Variants in HOMER2 observed in about 807,000 individuals in gnomAD.
HOMER2 encodes homer scaffold protein 2, also known as homer protein homolog 2.
In HOMER2, 27 loss-of-function variants were observed where a neutral mutation model predicts 47.0. That is an observed-to-expected ratio of 0.57 (90% CI 0.42 to 0.79). The LOEUF (loss-of-function observed/expected upper bound fraction) is 0.79, where lower values mean the gene tolerates loss of function less well. Among genes scored for constraint, HOMER2 ranks in the 30% least tolerant of loss-of-function variants. The pLI is 0.00. For synonymous variants in HOMER2, 161 were observed against 163.8 expected (o/e 0.98, Z 0.13); for missense variants, 443 against 435.0 (o/e 1.02, Z -0.16).
intron 1 of HOMER2, among the ~76,000 whole-genome samples, chr15:82,900,936 C>T (rs1282179586): frequency 6.6e-6 from 1 of 152,172 alleles, no homozygotes; most frequent in Non-Finnish European, 1.5e-5. Flanking sequence ...ACTAGGAATT[C>T]CCTTTTTGGG....
intron 1 of HOMER2, among the ~76,000 whole-genome samples, chr15:82,912,731 G>A: frequency 6.6e-6 from 1 of 152,116 alleles, no homozygotes; most frequent in Middle Eastern, 3.2e-3. Context: ...TCCAATTTGT[G>A]CACATTCTCA....
At chr15:82,941,154 A>C (rs2054257816) in intron 1 of HOMER2, among the ~76,000 whole-genome samples, 1 of 151,584 alleles carries the variant, frequency 6.6e-6, no homozygotes, top group African/African-American at 2.4e-5. Context: ...CTCTAAAATA[A>C]TTTTCCTGGC....
chr15:82,936,115 C>G (rs768275808), intron 1 of HOMER2, among the ~76,000 whole-genome samples: 1 of 152,214 alleles, frequency 6.6e-6, no homozygotes, highest in Non-Finnish European at 1.5e-5. Context: ...TGACTTCAGT[C>G]TCTCAAACAT....
chr15:82,945,220 TA>T (rs35180005), intron 1 of HOMER2, among the ~76,000 whole-genome samples: 14,297 of 120,284 alleles, frequency 0.12, 1,052 homozygotes, highest in African/African-American at 0.25. Flanking sequence ...TAAAATGTCT[TA>T]AAAAAAAAAA....
chr15:82,895,225 G>A (rs1215803014), intron 1 of HOMER2, among the ~76,000 whole-genome samples: 2 of 152,198 alleles, frequency 1.3e-5, no homozygotes, highest in Non-Finnish European at 2.9e-5. Context: ...TGGGGCTGTG[G>A]ATTACTAGGG....
At chr15:82,929,922 G>C (rs1239806287) in intron 1 of HOMER2, among the ~76,000 whole-genome samples, 2 of 151,842 alleles carry the variant, frequency 1.3e-5, no homozygotes, top group Non-Finnish European at 2.9e-5. Context: ...TAGAGATGGG[G>C]CTTCTCCATG....
At chr15:82,943,634 T>C (rs978553009) in intron 1 of HOMER2, among the ~76,000 whole-genome samples, 5 of 152,266 alleles carry the variant, frequency 3.3e-5, no homozygotes, top group African/African-American at 1.2e-4. Context: ...AAGGATCCAT[T>C]GCCCAGGCAG....
At chr15:82,869,303 T>A (rs2052097669) in intron 3 of HOMER2, among the ~76,000 whole-genome samples, 1 of 152,120 alleles carries the variant, frequency 6.6e-6, no homozygotes, top group African/African-American at 2.4e-5. Flanking sequence ...AACCACATAA[T>A]CTTCTGATAT....
downstream of HOMER2, among the ~76,000 whole-genome samples, chr15:82,847,726 C>T (rs1313488598): frequency 6.6e-6 from 1 of 152,170 alleles, no homozygotes; most frequent in South Asian, 2.1e-4. Context: ...ATCTGAAGAC[C>T]CCAGCGGAAG....
exon 2 of HOMER2, chr15:82,840,048 A>G (rs969350865): frequency 6.6e-6 from 1 of 152,076 alleles, no homozygotes; most frequent in Admixed American, 6.5e-5. Context: ...TCCAGTAAAA[A>G]ATAAAGTCAA....
At chr15:82,882,694 G>A (rs907676671) in intron 2 of HOMER2, among the ~76,000 whole-genome samples, 9 of 152,210 alleles carry the variant, frequency 5.9e-5, no homozygotes, top group Non-Finnish European at 1.2e-4. Flanking sequence ...GGTAGAGCGT[G>A]ACACATGCTT....
intron 2 of HOMER2, among the ~76,000 whole-genome samples, chr15:82,890,321 G>C (rs1011031702): frequency 2.0e-5 from 3 of 152,172 alleles, no homozygotes; most frequent in Non-Finnish European, 2.9e-5. Context: ...CAGCCTAGGC[G>C]ACAAAGTGAG....
chr15:82,977,928 T>C (rs1044210646), intron 1 of HOMER2, among the ~76,000 whole-genome samples: 33 of 152,132 alleles, frequency 2.2e-4, no homozygotes, highest in Non-Finnish European at 1.6e-4. Context: ...AGGTGGATCC[T>C]GACTTGAGGT....
chr15:82,868,539 ATAT>A (rs1285299009), intron 3 of HOMER2, among the ~76,000 whole-genome samples: 9 of 62,432 alleles, frequency 1.4e-4, no homozygotes, highest in Non-Finnish European at 2.7e-4. Flanking sequence ...ATATATATAT[ATAT>A]TTTTTTTTTT....
At chr15:82,921,219 C>T (rs2053719981) in intron 1 of HOMER2, among the ~76,000 whole-genome samples, 1 of 152,114 alleles carries the variant, frequency 6.6e-6, no homozygotes, top group Non-Finnish European at 1.5e-5. Context: ...ACCCGGGAGG[C>T]GGAGGTTGCA....
At chr15:82,971,629 T>A (rs562304812) in intron 1 of HOMER2, among the ~76,000 whole-genome samples, 1 of 152,318 alleles carries the variant, frequency 6.6e-6, no homozygotes, top group East Asian at 1.9e-4. Flanking sequence ...TTATTTAAAA[T>A]TTTAAATAGA....
intron 5 of HOMER2, 137 bp from the exon 6 acceptor site, chr15:82,854,937 G>C (rs746352127): frequency 8.9e-6 from 9 of 1,009,986 alleles, no homozygotes; most frequent in Non-Finnish European, 1.3e-5. Context: ...AAGCTGGCAG[G>C]TGGGTCTGGC....
intron 1 of HOMER2, among the ~76,000 whole-genome samples, chr15:82,901,894 G>A (rs188473374): frequency 2.5e-4 from 38 of 152,314 alleles, no homozygotes; most frequent in Admixed American, 4.6e-4. Context: ...GAAATAGCTT[G>A]GGGGCTGCAT....
At chr15:82,875,207 GGGC>G in intron 3 of HOMER2, 63 bp downstream of exon 3, 1 of 1,565,292 alleles carries the variant, frequency 6.4e-7, no homozygotes, top group Non-Finnish European at 8.7e-7. Context: ...ATCCCTCGGC[GGGC>G]AATCACTGAT....
Sources: allele counts gnomAD v4.1 joint callset (sites outside exome capture counted in the v4.1 genomes callset), GRCh38; gene constraint gnomAD v4.1.1; transcripts MANE v1.5; gene names NCBI Gene and HGNC (gene_info 2026-07-23, HGNC 2026-07-21).